Variants in SLC40A1 observed in about 807,000 individuals in gnomAD.
SLC40A1 encodes solute carrier family 40 member 1.
In SLC40A1, 16 loss-of-function variants were observed where a neutral mutation model predicts 53.5. The ratio of observed to expected loss-of-function variants is 0.30; its 90% CI spans 0.20 to 0.45. The LOEUF is 0.45. Among genes scored for constraint, SLC40A1 ranks in the 20% least tolerant of loss-of-function variants. The pLI, the probability that SLC40A1 is intolerant of heterozygous loss-of-function variation, is 1.00. For missense variants in SLC40A1, 545 were observed against 695.4 expected, an observed-to-expected ratio of 0.78 and a Z score of 2.43; for synonymous variants, 247 against 253.2, an observed-to-expected ratio of 0.98 and a Z score of 0.23.
At chr2:189,566,024 A>ATG (rs149895089) in intron 5 of SLC40A1, among the ~76,000 whole-genome samples, 43 of 151,268 alleles carry the variant, frequency 2.8e-4, no homozygotes, top group South Asian at 1.5e-3. Context: ...CAACAAGCAT[A>ATG]TGTGTGTGTG....
At chr2:189,577,715 A>C (rs2031333536) in intron 2 of SLC40A1, among the ~76,000 whole-genome samples, 2 of 151,502 alleles carry the variant, frequency 1.3e-5, no homozygotes, top group Non-Finnish European at 1.5e-5. Context: ...CCTGGGTTCA[A>C]GCAATTCTTC....
At position 189,562,197 on chromosome 2, in the gene SLC40A1, A is replaced by C; in HGVS notation, c.1403-6T>G. On this transcript the variant is annotated splice_region_variant and splice_polypyrimidine_tract_variant and intron_variant, in intron 7 of 7. Coordinates refer to ENST00000261024, the MANE Select transcript of SLC40A1 (RefSeq NM_014585.6). ...TAAATCAAAGGACCAAAGACCTATA[A>C]TAAAATATTTTTTTAAAGATTAGAT... 6.3e-7 allele frequency: 1 copy of C among 1,585,906 alleles called. No individual in the cohort carries two copies. Among genetic ancestry groups the C allele is most frequent in the Non-Finnish European group, 8.6e-7 (1 of 1,164,550 alleles).
chr2:189,579,015 C>A (rs1344845914), intron 2 of SLC40A1, among the ~76,000 whole-genome samples: 1 of 152,090 alleles, frequency 6.6e-6, no homozygotes, highest in Non-Finnish European at 1.5e-5. Flanking sequence ...CAGAATATAG[C>A]CAGATTTATT....
rs2031131505 is a variant in SLC40A1 at position 189,571,699 on chromosome 2, G to A, written c.514+16C>T. ...TCCTAACATGCTCATTTCATTAAAAGAGAAAGCCAAATTACTTGCTAGTTT... is the reference window on the plus strand; with the variant it reads ...TCCTAACATGCTCATTTCATTAAAAAAGAAAGCCAAATTACTTGCTAGTTT... On this transcript the variant is annotated intron_variant, in intron 5 of 7. Transcript: ENST00000261024. 1.9e-6 allele frequency: 3 copies of A among 1,612,126 alleles called. No individual in the cohort carries two copies. Among genetic ancestry groups the A allele is most frequent in the African/African-American group, 1.3e-5 (1 of 74,854 alleles).
At chr2:189,577,149 T>C (rs188100259) in intron 2 of SLC40A1, among the ~76,000 whole-genome samples, 253 of 152,364 alleles carry the variant, frequency 1.7e-3, no homozygotes, top group Non-Finnish European at 2.8e-3. Context: ...TATGTGTCCA[T>C]GTACCCCCAC....
At chr2:189,567,995 C>A (rs913029281) in intron 5 of SLC40A1, among the ~76,000 whole-genome samples, 1 of 152,160 alleles carries the variant, frequency 6.6e-6, no homozygotes, top group Non-Finnish European at 1.5e-5. Context: ...AGAATGACAA[C>A]AACAAATTAT....
chr2:189,572,665 T>C (rs1574243730), intron 4 of SLC40A1, 181 bp downstream of exon 4: 1 of 622,602 alleles, frequency 1.6e-6, no homozygotes, highest in Admixed American at 2.8e-5. Flanking sequence ...CAATACTTAA[T>C]GAGTGCCTGT....
Position 189,561,719 on chromosome 2 carries a change from T to G in SLC40A1, c.*159A>C. The G allele has an allele frequency of 1.5e-6, 1 of 651,264 alleles. No individual in the cohort carries two copies. Among genetic ancestry groups the G allele is most frequent in the Non-Finnish European group, 2.7e-6 (1 of 377,296 alleles). 40.3% of individuals were successfully genotyped at this position (651,264 alleles called of 1,614,324 possible). A position where few individuals can be genotyped will look rare whatever the true frequency, so the allele number is the denominator to read the frequency against. On this transcript the variant is annotated 3_prime_UTR_variant, in exon 8 of 8. Transcript: ENST00000261024. ...ACATAAGGGAAATTAATCAGTTAAT[T>G]TCTGCTGACTTAGGTTTCCTAAACA...
At chr2:189,567,727 C>A (rs1449933304) in intron 5 of SLC40A1, among the ~76,000 whole-genome samples, 1 of 152,160 alleles carries the variant, frequency 6.6e-6, no homozygotes, top group Non-Finnish European at 1.5e-5. Context: ...CCAATTAGCC[C>A]TATGAGTATA....
intron 2 of SLC40A1, among the ~76,000 whole-genome samples, chr2:189,576,592 G>C (rs1441895566): frequency 6.6e-6 from 1 of 152,146 alleles, no homozygotes; most frequent in East Asian, 1.9e-4. Context: ...ACAACAGCAA[G>C]GGGGTGGAGC....
At position 189,564,070 on chromosome 2, in the gene SLC40A1, G is replaced by A; in HGVS notation, c.916C>T (p.Pro306Ser). Reference protein sequence around the residue: ...RDGWVSYYNQPVFLAGMGLAF... With the variant: ...RDGWVSYYNQSVFLAGMGLAF... ...AGACCCATGCCAGCCAGAAACACAG[G>A]CTGGTTGTAGTAGGAGACCCATCCA... Residue 306 changes from proline to serine, a missense_variant, in exon 7 of 8, where the codon CCT (proline) becomes TCT (serine). Around this residue, in one of 4 missense-constraint regions of SLC40A1, gnomAD observed 7 missense variants for 26.7 expected, o/e 0.26. Coordinates refer to ENST00000261024, the MANE Select transcript of SLC40A1 (RefSeq NM_014585.6). 6.2e-7 allele frequency: 1 copy of A among 1,612,122 alleles called. No individual in the cohort carries two copies. Among genetic ancestry groups the A allele is most frequent in the African/African-American group, 1.3e-5 (1 of 74,956 alleles).
chr2:189,565,723 C>T, intron 5 of SLC40A1, 124 bp from the exon 6 acceptor site: 3 of 1,356,284 alleles, frequency 2.2e-6, no homozygotes. Context: ...TCTAAAAGTA[C>T]ATTTGTAAGA....
At chr2:189,573,067 AATT>A in intron 3 of SLC40A1, 106 bp from the exon 4 acceptor site, 4 of 822,356 alleles carry the variant, frequency 4.9e-6, no homozygotes, top group Non-Finnish European at 8.4e-6. Flanking sequence ...ACACAGACCT[AATT>A]ATTACCAGAT....
intron 2 of SLC40A1, among the ~76,000 whole-genome samples, chr2:189,576,785 A>G (rs1402566105): frequency 6.6e-6 from 1 of 152,152 alleles, no homozygotes; most frequent in Admixed American, 6.5e-5. Flanking sequence ...CTTTCTTAAC[A>G]TACAGGTTAA....
intron 7 of SLC40A1, among the ~76,000 whole-genome samples, chr2:189,562,972 G>A (rs2030802247): frequency 6.6e-6 from 1 of 151,618 alleles, no homozygotes; most frequent in Admixed American, 6.6e-5. Flanking sequence ...TAAGGTTATT[G>A]CAATATCAAG....
intron 2 of SLC40A1, among the ~76,000 whole-genome samples, chr2:189,576,460 T>C (rs1484716828): frequency 1.3e-5 from 2 of 152,320 alleles, no homozygotes; most frequent in East Asian, 1.9e-4. Flanking sequence ...ATGTTAGCAA[T>C]CATTTACAAA....
At chr2:189,570,024 A>G (rs554594513) in intron 5 of SLC40A1, among the ~76,000 whole-genome samples, 41 of 142,908 alleles carry the variant, frequency 2.9e-4, no homozygotes, top group Middle Eastern at 7.3e-3. Flanking sequence ...ACACACCTAT[A>G]TATGTATGTA....
At chr2:189,571,606 C>T in intron 5 of SLC40A1, 109 bp downstream of exon 5, 1 of 1,520,294 alleles carries the variant, frequency 6.6e-7, no homozygotes, top group East Asian at 2.5e-5. Context: ...ATTTATCATT[C>T]TTAAAAAATA....
intron 6 of SLC40A1, among the ~76,000 whole-genome samples, chr2:189,565,012 C>T (rs1179656061): frequency 6.6e-6 from 1 of 152,178 alleles, no homozygotes; most frequent in East Asian, 1.9e-4. Flanking sequence ...CTCACAGAGT[C>T]CAAGGGATTC....
Sources: gnomAD v4.1 joint callset for allele counts (sites outside exome capture counted in the v4.1 genomes callset) on GRCh38, gnomAD v4.1.1 for gene constraint, gnomAD v4.1.1 regional missense constraint, MANE v1.5 for transcripts, NCBI Gene and HGNC (gene_info 2026-07-23, HGNC 2026-07-21) for gene names.